Variants in ADAMTS6 observed in about 807,000 individuals in gnomAD.
ADAMTS6 encodes ADAM metallopeptidase with thrombospondin type 1 motif 6.
A neutral mutation model predicts 144.3 loss-of-function variants in ADAMTS6; 23 were observed. The observed-to-expected ratio is 0.16, with a 90% CI of 0.11 to 0.23. The LOEUF (loss-of-function observed/expected upper bound fraction) is 0.23, where lower values mean the gene tolerates loss of function less well. Ranked by LOEUF, ADAMTS6 falls within the 10% of genes least tolerant of loss-of-function variation. The probability of loss-of-function intolerance (pLI) is 1.00; values close to 1 mark genes in which losing one functional copy is unlikely to be tolerated. For synonymous variants in ADAMTS6, 444 were observed against 457.5 expected, an observed-to-expected ratio of 0.97 and a Z score of 0.38; for missense variants, 999 against 1,379.6, an observed-to-expected ratio of 0.72 and a Z score of 4.37.
chr5:65,312,920 T>G (rs1744640505), intron 9 of ADAMTS6, among the ~76,000 whole-genome samples: 1 of 151,980 alleles, frequency 6.6e-6, no homozygotes, highest in East Asian at 1.9e-4. Flanking sequence ...CAAGGAAACT[T>G]TGGCCATTGT....
intron 7 of ADAMTS6, among the ~76,000 whole-genome samples, chr5:65,400,681 ATGTATTACATCTT>A (rs1753845993): frequency 6.6e-6 from 1 of 152,090 alleles, no homozygotes; most frequent in African/African-American, 2.4e-5. Flanking sequence ...CTCATTGCAC[ATGTATTACATCTT>A]TGTAGTTTTC....
chr5:65,247,534 C>T (rs1759737462), intron 14 of ADAMTS6, among the ~76,000 whole-genome samples: 1 of 152,004 alleles, frequency 6.6e-6, no homozygotes, highest in African/African-American at 2.4e-5. Flanking sequence ...AAAATATACC[C>T]CCAAAACTCT....
intron 22 of ADAMTS6, among the ~76,000 whole-genome samples, chr5:65,174,023 A>AAG (rs2112092938): frequency 6.6e-6 from 1 of 150,740 alleles, no homozygotes; most frequent in African/African-American, 2.4e-5. Flanking sequence ...TCTGTCTCAA[A>AAG]AAAAAAAAAA....
chr5:65,286,002 T>C, intron 11 of ADAMTS6, among the ~76,000 whole-genome samples: 1 of 152,206 alleles, frequency 6.6e-6, no homozygotes, highest in East Asian at 1.9e-4. Context: ...ATGTGCGCCT[T>C]GGAATATCTT....
rs369866269 is a variant in ADAMTS6, at chr5:65,324,629, T to C, written c.1223+4749A>G. Reference sequence around the variant, plus strand: ...TTTATCATATTTATATGTGTATATATACACACATAATATACACATAAATAT... The same window carrying C: ...TTTATCATATTTATATGTGTATATACACACACATAATATACACATAAATAT... On this transcript the variant is annotated intron_variant, in intron 9 of 24. Transcript: ENST00000381055. 2.6e-4 allele frequency among the ~76,000 whole-genome samples: 39 copies of C among 152,062 alleles called. No homozygotes were observed. In the Middle Eastern group the frequency reaches 0.027, roughly 106 times the overall value.
chr5:65,425,813 G>C (rs1261896506), intron 7 of ADAMTS6, among the ~76,000 whole-genome samples: 6 of 148,784 alleles, frequency 4.0e-5, no homozygotes, highest in Admixed American at 6.7e-5. Flanking sequence ...CCCCAGGCTT[G>C]AGTGCAGTGG....
chr5:65,280,850 AGAG>A (rs1435033937), intron 11 of ADAMTS6, among the ~76,000 whole-genome samples: 1 of 152,190 alleles, frequency 6.6e-6, no homozygotes, highest in Non-Finnish European at 1.5e-5. Flanking sequence ...AGGACAACCT[AGAG>A]GAGAAGTCAG....
At position 65,452,805 on chromosome 5, in the gene ADAMTS6, C is replaced by T. The variant is rs975240869; in HGVS notation, c.745G>A (p.Glu249Lys). 4 of 1,613,992 alleles carry T rather than the reference C, an allele frequency of 2.5e-6. No homozygotes were observed. Among genetic ancestry groups the T allele is most frequent in the Non-Finnish European group, 3.4e-6 (4 of 1,179,980 alleles). Reference protein sequence around the residue: ...HHRQKRSVSIERFVETLVVAD... With the variant: ...HHRQKRSVSIKRFVETLVVAD... The stretch of plus-strand genomic sequence containing the variant: ...ACTACCAATGTCTCCACAAACCGTT[C>T]AATGCTCACTGATCTCTTCTGTCTG... Residue 249 changes from glutamate (E) to lysine (K), a missense_variant, in exon 5 of 25, where the codon GAA becomes AAA. By Grantham distance (56) the Glu-to-Lys change is moderately conservative. This residue lies in a region of ADAMTS6 where 252 missense variants were observed against 293.7 expected (regional missense o/e 0.86). Coordinates refer to ENST00000381055, the MANE Select transcript of ADAMTS6 (RefSeq NM_197941.4).
chr5:65,251,255 A>C (rs1299684525), intron 14 of ADAMTS6: 1 of 152,244 alleles, frequency 6.6e-6, no homozygotes, highest in African/African-American at 2.4e-5. Flanking sequence ...GCATATTTAT[A>C]AAAACTGTCA....
chr5:65,265,575 C>CA (rs1561350713), intron 12 of ADAMTS6, among the ~76,000 whole-genome samples: 1 of 148,714 alleles, frequency 6.7e-6, no homozygotes. Flanking sequence ...CAATTAACTG[C>CA]TTTTTTTTTT....
intron 7 of ADAMTS6, among the ~76,000 whole-genome samples, chr5:65,350,804 C>CA (rs1748784090): frequency 6.6e-6 from 1 of 152,096 alleles, no homozygotes; most frequent in Non-Finnish European, 1.5e-5. Flanking sequence ...CAGGCTTGCG[C>CA]AACCAGGCCC....
At chr5:65,285,718 AG>A (rs1763310399) in intron 11 of ADAMTS6, among the ~76,000 whole-genome samples, 1 of 152,084 alleles carries the variant, frequency 6.6e-6, no homozygotes, top group African/African-American at 2.4e-5. Context: ...GGAAAATGAT[AG>A]GAAGTGTGTG....
At chr5:65,410,348 A>T (rs1026710872) in intron 7 of ADAMTS6, among the ~76,000 whole-genome samples, 1 of 152,234 alleles carries the variant, frequency 6.6e-6, no homozygotes, top group African/African-American at 2.4e-5. Flanking sequence ...AATCAGTTGA[A>T]TAAATTATGG....
chr5:65,363,192 A>G (rs1749985689), intron 7 of ADAMTS6, among the ~76,000 whole-genome samples: 1 of 152,202 alleles, frequency 6.6e-6, no homozygotes, highest in Non-Finnish European at 1.5e-5. Flanking sequence ...TAAATAAAAT[A>G]GCTAATACTC....
At chr5:65,342,399 A>G (rs554875629) in intron 7 of ADAMTS6, among the ~76,000 whole-genome samples, 1 of 152,068 alleles carries the variant, frequency 6.6e-6, no homozygotes, top group South Asian at 2.1e-4. Flanking sequence ...CATGAGACTT[A>G]TTCACTATCA....
At chr5:65,403,099 T>C (rs983339777) in intron 7 of ADAMTS6, among the ~76,000 whole-genome samples, 1 of 152,184 alleles carries the variant, frequency 6.6e-6, no homozygotes, top group Non-Finnish European at 1.5e-5. Flanking sequence ...TTACTCAAAC[T>C]ATCACAGTCA....
chr5:65,268,620 T>C (rs1761814973), intron 12 of ADAMTS6, among the ~76,000 whole-genome samples: 1 of 152,208 alleles, frequency 6.6e-6, no homozygotes. Context: ...TCAGACCATA[T>C]GGTTCTTATT....
chr5:65,434,254 AG>A (rs1353014624), intron 7 of ADAMTS6, among the ~76,000 whole-genome samples: 1 of 152,190 alleles, frequency 6.6e-6, no homozygotes, highest in Non-Finnish European at 1.5e-5. Flanking sequence ...GGGGAAATGG[AG>A]GGTGACAACT....
intron 7 of ADAMTS6, among the ~76,000 whole-genome samples, chr5:65,365,818 T>C (rs775927360): frequency 3.9e-5 from 6 of 152,092 alleles, no homozygotes; most frequent in Non-Finnish European, 8.8e-5. Flanking sequence ...AAACATCCTA[T>C]ATAAGCTCTT....
Sources: gnomAD v4.1 joint callset for allele counts (sites outside exome capture counted in the v4.1 genomes callset) on GRCh38, gnomAD v4.1.1 for gene constraint, gnomAD v4.1.1 regional missense constraint, MANE v1.5 for transcripts, NCBI Gene and HGNC (gene_info 2026-07-23, HGNC 2026-07-21) for gene names.